Variants in IKZF3 observed in about 807,000 individuals in gnomAD.
IKZF3 encodes the protein IKAROS family zinc finger 3, also known as zinc finger protein Aiolos.
Under a neutral mutation model 49.0 loss-of-function variants are expected in IKZF3, and 10 were observed. The observed-to-expected ratio is 0.20, with a 90% CI of 0.13 to 0.35. The LOEUF (loss-of-function observed/expected upper bound fraction) is 0.35. IKZF3 is among the 10% of genes least tolerant of loss of function. The pLI is 1.00. For missense variants in IKZF3, 498 were observed against 664.8 expected (o/e 0.75, Z 2.76); for synonymous variants, 209 against 228.2 (o/e 0.92, Z 0.76).
intron 1 of IKZF3, among the ~76,000 whole-genome samples, chr17:39,855,983 A>C (rs986046263): frequency 1.3e-5 from 2 of 150,898 alleles, no homozygotes; most frequent in Admixed American, 6.6e-5. Context: ...GTACAATATA[A>C]CATGTATATT....
intron 1 of IKZF3, among the ~76,000 whole-genome samples, chr17:39,845,494 A>G (rs2062604404): frequency 6.6e-6 from 1 of 151,908 alleles, no homozygotes; most frequent in South Asian, 2.1e-4. Flanking sequence ...GTTGCACTCC[A>G]GCCTGGGCAA....
intron 1 of IKZF3, among the ~76,000 whole-genome samples, chr17:39,850,982 A>G (rs956263557): frequency 1.4e-5 from 2 of 143,226 alleles, no homozygotes; most frequent in African/African-American, 2.6e-5. Context: ...TATATATTAT[A>G]TATGTGTATA....
intron 1 of IKZF3, 134 bp from the exon 2 acceptor site, chr17:39,832,285 T>G: frequency 1.8e-6 from 1 of 569,886 alleles, no homozygotes; most frequent in Non-Finnish European, 3.1e-6. Flanking sequence ...AGATTACTCT[T>G]TCTCTATATT....
At position 39,814,528 on chromosome 17, in the gene IKZF3, T is replaced by C. The variant is rs1568012300; in HGVS notation, c.163+14859A>G. Among the ~76,000 whole-genome samples the C allele has an allele frequency of 2.0e-5, 3 of 152,110 alleles. No individual in the cohort carries two copies. The East Asian group carries it at 5.8e-4, about 29-fold the overall frequency. ...CAGAATGTGACTTTATTTGGAAATA[T>C]CGTCATAGTAGATGTAATTAGTTAA... On this transcript the variant is annotated intron_variant, in intron 3 of 7. Transcript: ENST00000346872.
At chr17:39,790,251 G>C (rs1475552037) in intron 5 of IKZF3, among the ~76,000 whole-genome samples, 3 of 152,152 alleles carry the variant, frequency 2.0e-5, no homozygotes, top group Non-Finnish European at 4.4e-5. Context: ...GGCTAAAAAT[G>C]TTACGTTTCT....
At chr17:39,856,113 A>G (rs915648606) in intron 1 of IKZF3, among the ~76,000 whole-genome samples, 4 of 151,368 alleles carry the variant, frequency 2.6e-5, no homozygotes, top group African/African-American at 9.7e-5. Context: ...TATATGTACA[A>G]TATAACATGT....
intron 3 of IKZF3, among the ~76,000 whole-genome samples, chr17:39,827,549 C>T (rs1189671466): frequency 6.6e-6 from 1 of 152,090 alleles, no homozygotes; most frequent in Non-Finnish European, 1.5e-5. Flanking sequence ...CTCAAGAGAT[C>T]CTCCTGCTTC....
Position 39,788,293 on chromosome 17 carries a change from C to T in IKZF3, c.674G>A (p.Arg225His), listed in dbSNP as rs778371145. 9 of 1,613,514 alleles carry T rather than the reference C, an allele frequency of 5.6e-6. No individual in the cohort carries two copies. Among genetic ancestry groups the T allele is most frequent in the Non-Finnish European group, 7.6e-6 (9 of 1,179,538 alleles). Residue 225 changes from arginine to histidine, a missense_variant, in exon 6 of 8, where the codon CGT becomes CAT. Around this residue, in one of 3 missense-constraint regions of IKZF3, gnomAD observed 317 missense variants for 397.3 expected, o/e 0.80. Coordinates refer to ENST00000346872, the MANE Select transcript of IKZF3 (RefSeq NM_012481.5). Reference sequence around the variant, plus strand: ...TGGGTCAGTGCTCTGAAGAAATGTACGGCAGCGCTCCTTGTGCTCCTCAAG... The same window carrying T: ...TGGGTCAGTGCTCTGAAGAAATGTATGGCAGCGCTCCTTGTGCTCCTCAAG... ...SSLEEHKERC[R>H]TFLQSTDPGD...
intron 1 of IKZF3, among the ~76,000 whole-genome samples, chr17:39,838,670 C>A (rs2062375613): frequency 6.6e-6 from 1 of 152,096 alleles, no homozygotes. Flanking sequence ...TGTATGCCAT[C>A]TTGAGGTCAG....
intron 7 of IKZF3, among the ~76,000 whole-genome samples, chr17:39,775,347 C>A (rs1330766956): frequency 6.6e-6 from 1 of 152,168 alleles, no homozygotes; most frequent in African/African-American, 2.4e-5. Flanking sequence ...TCAACACCTA[C>A]AAGATCAGCA....
At chr17:39,790,446 G>A (rs927849346) in intron 5 of IKZF3, among the ~76,000 whole-genome samples, 4 of 152,098 alleles carry the variant, frequency 2.6e-5, no homozygotes, top group African/African-American at 9.7e-5. Context: ...TCTCATGGTG[G>A]GTTTTGTTGG....
chr17:39,824,738 C>G (rs1364808148), intron 3 of IKZF3, among the ~76,000 whole-genome samples: 3 of 151,754 alleles, frequency 2.0e-5, no homozygotes, highest in Non-Finnish European at 4.4e-5. Context: ...CTTTGTCACC[C>G]AGGCTGGAGT....
intron 1 of IKZF3, among the ~76,000 whole-genome samples, chr17:39,842,270 A>G (rs1455848374): frequency 1.3e-5 from 2 of 152,106 alleles, no homozygotes; most frequent in East Asian, 3.9e-4. Context: ...TAATCCCAAC[A>G]CTTTGGGAGG....
chr17:39,805,597 A>G (rs1187821031), intron 3 of IKZF3, among the ~76,000 whole-genome samples: 1 of 152,210 alleles, frequency 6.6e-6, no homozygotes, highest in Non-Finnish European at 1.5e-5. Context: ...CTGGTTCTCA[A>G]ATAATGGAAT....
At chr17:39,849,236 C>T (rs778418591) in intron 1 of IKZF3, among the ~76,000 whole-genome samples, 24 of 150,816 alleles carry the variant, frequency 1.6e-4, no homozygotes, top group Non-Finnish European at 3.1e-4. Context: ...GAGTTTGAGA[C>T]CAGCCTGGCC....
chr17:39,822,090 GT>G (rs2061823673), intron 3 of IKZF3, among the ~76,000 whole-genome samples: 1 of 152,128 alleles, frequency 6.6e-6, no homozygotes, highest in Admixed American at 6.5e-5. Flanking sequence ...CCATTATAAG[GT>G]CTATTTACCC....
Position 39,765,657 on chromosome 17 carries a change from C to T in IKZF3, c.*133G>A. The T allele has an allele frequency of 1.6e-6, 1 of 643,306 alleles. No individual in the cohort carries two copies. Among genetic ancestry groups the T allele is most frequent in the Non-Finnish European group, 2.7e-6 (1 of 375,830 alleles). 39.8% of individuals were successfully genotyped at this position (643,306 alleles called of 1,614,324 possible). A position where few individuals can be genotyped will look rare whatever the true frequency, so the allele number is the denominator to read the frequency against. On this transcript the variant is annotated 3_prime_UTR_variant, in exon 8 of 8. Coordinates refer to ENST00000346872, the MANE Select transcript of IKZF3 (RefSeq NM_012481.5). ...GAAGACAGTGTTTCCCTGGCTACCC[C>T]TGTGAACACAGCTAAAAATGGTATG...
chr17:39,863,874 C>T (rs992994261), intron 1 of IKZF3, among the ~76,000 whole-genome samples: 1 of 152,152 alleles, frequency 6.6e-6, no homozygotes, highest in African/African-American at 2.4e-5. Flanking sequence ...GGGTAGACCC[C>T]CCATGTCTGA....
chr17:39,804,851 AATT>A (rs1334054794), intron 3 of IKZF3, among the ~76,000 whole-genome samples: 1 of 152,218 alleles, frequency 6.6e-6, no homozygotes, highest in East Asian at 1.9e-4. Flanking sequence ...CCTAGATGTG[AATT>A]ATTTCCTAGG....
Sources: allele counts gnomAD v4.1 joint callset (sites outside exome capture counted in the v4.1 genomes callset), GRCh38; gene constraint gnomAD v4.1.1; regional missense constraint gnomAD v4.1.1; transcripts MANE v1.5; gene names NCBI Gene and HGNC (gene_info 2026-07-23, HGNC 2026-07-21).